Variants in COL25A1 observed in about 807,000 individuals in gnomAD.
COL25A1 encodes the protein collagen alpha-1(XXV) chain.
In COL25A1, 103 loss-of-function variants were observed where a neutral mutation model predicts 128.4. The ratio of observed to expected loss-of-function variants is 0.80; its 90% CI spans 0.68 to 0.94. The LOEUF is 0.94. COL25A1 is among the 40% of genes least tolerant of loss of function. COL25A1 has a pLI of 0.00. For missense variants in COL25A1, 745 were observed against 840.0 expected (o/e 0.89, Z 1.40); for synonymous variants, 279 against 277.2 (o/e 1.01, Z -0.06).
chr4:108,976,868 T>C (rs1401574885), intron 6 of COL25A1, among the ~76,000 whole-genome samples: 1 of 152,264 alleles, frequency 6.6e-6, no homozygotes, highest in Non-Finnish European at 1.5e-5. Flanking sequence ...ATACTTTGTG[T>C]CTTTTACCAT....
At chr4:108,952,925 T>C (rs1037419950) in intron 8 of COL25A1, among the ~76,000 whole-genome samples, 1 of 147,168 alleles carries the variant, frequency 6.8e-6, no homozygotes, top group African/African-American at 2.5e-5. Flanking sequence ...TTCAGTACTC[T>C]GGTTTAATGA....
chr4:108,872,449 T>C (rs986781564), intron 19 of COL25A1, among the ~76,000 whole-genome samples: 34 of 152,208 alleles, frequency 2.2e-4, no homozygotes, highest in African/African-American at 7.9e-4. Flanking sequence ...GTTTATTATA[T>C]GGTTCCAGAT....
At chr4:109,271,449 T>G (rs1210388081) in intron 3 of COL25A1, among the ~76,000 whole-genome samples, 2 of 152,194 alleles carry the variant, frequency 1.3e-5, no homozygotes, top group Non-Finnish European at 2.9e-5. Flanking sequence ...TAAAATAAAT[T>G]AGGTGAATAT....
intron 18 of COL25A1, among the ~76,000 whole-genome samples, chr4:108,888,819 G>A (rs1741117439): frequency 6.6e-6 from 1 of 152,152 alleles, no homozygotes; most frequent in African/African-American, 2.4e-5. Context: ...TATTGAGACA[G>A]TTTAATGACA....
intron 3 of COL25A1, among the ~76,000 whole-genome samples, chr4:109,252,156 A>G (rs2214612): frequency 0.12 from 18,507 of 152,318 alleles, 1,562 homozygotes; most frequent in Middle Eastern, 0.19. Flanking sequence ...CATATAGGGA[A>G]GGCAAATCCA....
At chr4:109,301,453 T>G (rs1259328654) in intron 2 of COL25A1, among the ~76,000 whole-genome samples, 1 of 152,178 alleles carries the variant, frequency 6.6e-6, no homozygotes, top group Non-Finnish European at 1.5e-5. Context: ...AAATGCCCTT[T>G]CCGAACCCTT....
At chr4:109,055,203 T>C (rs998105592) in intron 3 of COL25A1, among the ~76,000 whole-genome samples, 1 of 152,250 alleles carries the variant, frequency 6.6e-6, no homozygotes, top group Admixed American at 6.5e-5. Flanking sequence ...CTGGTAGAAG[T>C]AGAACACTAA....
intron 11 of COL25A1, among the ~76,000 whole-genome samples, chr4:108,922,591 T>C (rs112429323): frequency 2.6e-5 from 4 of 152,346 alleles, no homozygotes; most frequent in African/African-American, 9.6e-5. Flanking sequence ...ACATATCTGA[T>C]ATTTTCTAAT....
chr4:109,138,717 GTTTT>G (rs959151044), intron 3 of COL25A1, among the ~76,000 whole-genome samples: 7 of 150,078 alleles, frequency 4.7e-5, no homozygotes, highest in African/African-American at 9.8e-5. Flanking sequence ...TTTGTTTTTT[GTTTT>G]TTTTGAGACA....
At chr4:109,013,955 C>A (rs1345969694) in intron 5 of COL25A1, among the ~76,000 whole-genome samples, 1 of 152,184 alleles carries the variant, frequency 6.6e-6, no homozygotes, top group Non-Finnish European at 1.5e-5. Context: ...CCCCACCAAC[C>A]CCCCTCAGCT....
In COL25A1 at chr4:109,243,706, A is replaced by C. The variant is rs547574880; in HGVS notation, c.367+56877T>G. 2.1e-3 allele frequency among the ~76,000 whole-genome samples: 321 copies of C among 152,174 alleles called. 1 individual carries two copies. Among genetic ancestry groups the C allele is most frequent in the African/African-American group, 7.3e-3 (304 of 41,544 alleles). On this transcript the variant is annotated intron_variant, in intron 3 of 37. Transcript: ENST00000399132. Reference sequence around the variant, plus strand: ...TTAAATTCCAATATGAATAATGTAGATTAGATCTAAGAAAGATTTCTCTGA... The same window carrying C: ...TTAAATTCCAATATGAATAATGTAGCTTAGATCTAAGAAAGATTTCTCTGA...
At chr4:109,193,760 G>C (rs1185503137) in intron 3 of COL25A1, among the ~76,000 whole-genome samples, 1 of 152,036 alleles carries the variant, frequency 6.6e-6, no homozygotes, top group Non-Finnish European at 1.5e-5. Context: ...TGAGCTCCAA[G>C]AGTCACTAAA....
chr4:108,835,114 A>G (rs955956236), intron 31 of COL25A1, among the ~76,000 whole-genome samples: 1 of 152,236 alleles, frequency 6.6e-6, no homozygotes, highest in African/African-American at 2.4e-5. Flanking sequence ...TGATGGGGGA[A>G]ATAACTTTAA....
chr4:109,189,707 T>A, intron 3 of COL25A1, among the ~76,000 whole-genome samples: 1 of 152,198 alleles, frequency 6.6e-6, no homozygotes, highest in East Asian at 1.9e-4. Context: ...ATACTCCATA[T>A]TTCAAAGTAT....
At chr4:109,160,281 A>G (rs141533350) in intron 3 of COL25A1, among the ~76,000 whole-genome samples, 2 of 152,312 alleles carry the variant, frequency 1.3e-5, no homozygotes, top group East Asian at 3.9e-4. Context: ...ATCACTCCTT[A>G]AAGTTGAACA....
intron 11 of COL25A1, among the ~76,000 whole-genome samples, chr4:108,936,851 C>T: frequency 6.8e-6 from 1 of 146,894 alleles, no homozygotes; most frequent in Admixed American, 6.9e-5. Flanking sequence ...ACCGTGTTAC[C>T]CAGGCTGGTC....
chr4:108,924,556 C>T (rs762123919), intron 11 of COL25A1, among the ~76,000 whole-genome samples: 1 of 152,142 alleles, frequency 6.6e-6, no homozygotes, highest in Non-Finnish European at 1.5e-5. Flanking sequence ...TTAAGAATAT[C>T]TCTATGGTCC....
At chr4:109,093,360 C>T (rs1028586811) in intron 3 of COL25A1, among the ~76,000 whole-genome samples, 5 of 149,542 alleles carry the variant, frequency 3.3e-5, no homozygotes, top group Non-Finnish European at 4.4e-5. Flanking sequence ...TGGCTCATGC[C>T]TATAATCTCA....
chr4:108,899,899 C>T (rs1261712670), intron 14 of COL25A1, among the ~76,000 whole-genome samples: 1 of 151,892 alleles, frequency 6.6e-6, no homozygotes, highest in Non-Finnish European at 1.5e-5. Flanking sequence ...TTTCACTTTA[C>T]CCAGGAAAGG....
Sources: gnomAD v4.1 joint callset for allele counts (sites outside exome capture counted in the v4.1 genomes callset) on GRCh38, gnomAD v4.1.1 for gene constraint, MANE v1.5 for transcripts, NCBI Gene and HGNC (gene_info 2026-07-23, HGNC 2026-07-21) for gene names.